Variants in HIRA observed in about 807,000 individuals in gnomAD.
HIRA encodes the protein protein HIRA.
In HIRA, 13 loss-of-function variants were observed where a neutral mutation model predicts 126.6. That is an observed-to-expected ratio of 0.10 (90% CI 0.07 to 0.16). The LOEUF is 0.16. Ranked by LOEUF, HIRA falls within the 10% of genes least tolerant of loss-of-function variation. The probability of loss-of-function intolerance (pLI) is 1.00; values close to 1 mark genes in which losing one functional copy is unlikely to be tolerated. For missense variants in HIRA, 834 were observed against 1,314.4 expected (o/e 0.63, Z 5.65); for synonymous variants, 511 against 520.0 (o/e 0.98, Z 0.24).
At chr22:19,410,516 T>C (rs1322539359) in intron 2 of HIRA, among the ~76,000 whole-genome samples, 200 bp downstream of exon 2, 1 of 152,218 alleles carries the variant, frequency 6.6e-6, no homozygotes, top group African/African-American at 2.4e-5. Flanking sequence ...GCTGCCAAAA[T>C]ACTTACAGAG....
chr22:19,427,891 C>A (rs1198747151), intron 1 of HIRA, among the ~76,000 whole-genome samples: 1 of 152,130 alleles, frequency 6.6e-6, no homozygotes, highest in African/African-American at 2.4e-5. Flanking sequence ...ACTTTCTGAC[C>A]TTAACCTAAC....
In HIRA at chr22:19,407,193, T is replaced by C. The variant is rs2089315214; in HGVS notation, c.293A>G (p.Lys98Arg). The C allele has an allele frequency of 1.2e-6, 2 of 1,613,090 alleles. No individual in the cohort carries two copies. The highest frequency in any genetic ancestry group is 1.7e-6 in the Non-Finnish European group (2 of 1,179,132). The change falls in exon 4 of 25, where the codon AAG becomes AGG. Residue 98 changes from lysine to arginine, a missense_variant. By Grantham distance (26) the Lys-to-Arg change is conservative. Transcript: ENST00000263208. ...GGDDKLIMVW[K>R]RATYIGPSTV... ...GGAAAATGATGCTTACGTAGCCCGC[T>C]TCCACACCATAATCAGTTTGTCATC...
chr22:19,407,123 G>T, intron 4 of HIRA, 61 bp downstream of exon 4: 2 of 1,380,932 alleles, frequency 1.4e-6, no homozygotes, highest in Non-Finnish European at 2.1e-6. Context: ...AGGTGACTTT[G>T]ATAAAGACCA....
chr22:19,360,676 G>A (rs737810), intron 17 of HIRA, among the ~76,000 whole-genome samples: 26,537 of 152,182 alleles, frequency 0.17, 2,483 homozygotes, highest in East Asian at 0.31. Context: ...CATGGCAGGA[G>A]AGGCCTAGAT....
chr22:19,416,594 G>A (rs1035961982), intron 1 of HIRA, among the ~76,000 whole-genome samples: 3 of 152,186 alleles, frequency 2.0e-5, no homozygotes, highest in South Asian at 2.1e-4. Context: ...CTACCTTTAC[G>A]TCCCAAAGTG....
At position 19,372,387 on chromosome 22, in the gene HIRA, G is replaced by A. The variant is rs1011964832; in HGVS notation, c.1775+3244C>T. Among the ~76,000 whole-genome samples the A allele has an allele frequency of 2.0e-5, 3 of 152,092 alleles. No individual in the cohort carries two copies. The East Asian group carries it at 5.8e-4, about 29-fold the overall frequency. On this transcript the variant is annotated intron_variant, in intron 15 of 24. Coordinates refer to ENST00000263208, the MANE Select transcript of HIRA (RefSeq NM_003325.4). ...CTGTGCTTTGTATATATTCTCTGCA[G>A]TTTCTCTTCAGATCTTTTGCTCATT... is the stretch of plus-strand genomic sequence containing the variant.
At chr22:19,356,319 C>T (rs1441628182) in intron 19 of HIRA, 31 bp from the exon 20 acceptor site, 2 of 1,598,876 alleles carry the variant, frequency 1.3e-6, no homozygotes, top group Non-Finnish European at 1.7e-6. Flanking sequence ...AGTTTACTCA[C>T]CAACCCAGGT....
intron 2 of HIRA, among the ~76,000 whole-genome samples, chr22:19,409,485 T>C (rs1166678409): frequency 6.6e-6 from 1 of 152,160 alleles, no homozygotes. Flanking sequence ...GGTTTCGCCA[T>C]GTTGGCCAGG....
At chr22:19,382,682 A>G (rs980356852) in intron 13 of HIRA, among the ~76,000 whole-genome samples, 5 of 152,166 alleles carry the variant, frequency 3.3e-5, no homozygotes, top group Admixed American at 6.5e-5. Context: ...TGCCCTGAGC[A>G]GATAGACGGA....
chr22:19,398,823 G>T (rs1047617303), intron 5 of HIRA, among the ~76,000 whole-genome samples: 1 of 152,032 alleles, frequency 6.6e-6, no homozygotes, highest in Non-Finnish European at 1.5e-5. Flanking sequence ...CAAAAAATTG[G>T]CTGGGCTTGG....
chr22:19,336,317 G>A (rs1230487521), intron 24 of HIRA, among the ~76,000 whole-genome samples: 4 of 152,218 alleles, frequency 2.6e-5, no homozygotes, highest in Non-Finnish European at 4.4e-5. Flanking sequence ...CAGGAAGACC[G>A]AAAGAAATCA....
rs966517938 is a variant in HIRA, at chr22:19,394,605, T to C, written c.655-96A>G. On this transcript the variant is annotated intron_variant, in intron 7 of 24. Transcript: ENST00000263208. ...AAAGTTAAACTTCAATTTATAAATG[T>C]GTGATGGTGGAGCATGCACCCCAAG... 3.2e-6 allele frequency: 4 copies of C among 1,259,866 alleles called. No individual in the cohort carries two copies. The African/African-American group carries it at 5.9e-5, about 19-fold the overall frequency. 78.0% of individuals were successfully genotyped at this position (1,259,866 alleles called of 1,614,324 possible). A position where few individuals can be genotyped will look rare whatever the true frequency, so the allele number is the denominator to read the frequency against.
Position 19,377,986 on chromosome 22 carries a change from G to C in HIRA, c.1496C>G (p.Pro499Arg). The C allele has an allele frequency of 1.2e-6, 2 of 1,613,742 alleles. No homozygotes were observed. The highest frequency in any genetic ancestry group is 1.7e-6 in the Non-Finnish European group (2 of 1,179,850). The change falls in exon 14 of 25, where the codon CCA becomes CGA. Residue 499 changes from proline to arginine, a missense_variant. Around this residue, in one of 5 missense-constraint regions of HIRA, gnomAD observed 468 missense variants for 574.2 expected, o/e 0.82. Coordinates refer to ENST00000263208, the MANE Select transcript of HIRA (RefSeq NM_003325.4). Reference sequence around the variant, plus strand: ...ACTGGAGTCCAGTGGCAGTAGCTGTGGACTGCTATGAGAAGAGAGCATGGT... The same window carrying C: ...ACTGGAGTCCAGTGGCAGTAGCTGTCGACTGCTATGAGAAGAGAGCATGGT... ...AGTMLSSHSS[P>R]QLLPLDSSTP...
At chr22:19,414,744 G>C (rs746695933) in intron 1 of HIRA, among the ~76,000 whole-genome samples, 2 of 152,144 alleles carry the variant, frequency 1.3e-5, no homozygotes, top group Non-Finnish European at 2.9e-5. Context: ...AGGTGGGGCC[G>C]GTCATGGTGG....
intron 24 of HIRA, among the ~76,000 whole-genome samples, chr22:19,342,669 T>A (rs1199871621): frequency 6.6e-6 from 1 of 152,230 alleles, no homozygotes; most frequent in African/African-American, 2.4e-5. Context: ...ATTACAGGCA[T>A]GAGCCACTGC....
Position 19,331,066 on chromosome 22 carries a change from A to T in HIRA, c.*374T>A. 1 of 1,069,254 alleles carries T rather than the reference A, an allele frequency of 9.4e-7. No individual in the cohort carries two copies. Among genetic ancestry groups the T allele is most frequent in the South Asian group, 1.6e-5 (1 of 62,432 alleles). The allele number at this position is 1,069,254 out of a possible 1,614,324, so 66.2% of individuals were successfully genotyped here. A position where few individuals can be genotyped will look rare whatever the true frequency, so the allele number is the denominator to read the frequency against. On this transcript the variant is annotated 3_prime_UTR_variant, in exon 25 of 25. Transcript: ENST00000263208. ...TAACGCTTCCGGATTCTCTCTCACA[A>T]ATGGCTCAATCGTCACTGCTGAAGC...
At position 19,375,817 on chromosome 22, in the gene HIRA, T is replaced by C. The variant is rs554063277; in HGVS notation, c.1614-25A>G. 5.0e-6 allele frequency: 8 copies of C among 1,612,804 alleles called. No individual in the cohort carries two copies. The East Asian group carries it at 1.6e-4, about 31-fold the overall frequency. On this transcript the variant is annotated intron_variant, in intron 14 of 24. Coordinates refer to ENST00000263208, the MANE Select transcript of HIRA (RefSeq NM_003325.4). Reference sequence around the variant, plus strand: ...ACTGGGGTGAAGAAGAGGGGAGGCATGTCAAGCGCAATCCTGAAAGGATCT... The same window carrying C: ...ACTGGGGTGAAGAAGAGGGGAGGCACGTCAAGCGCAATCCTGAAAGGATCT...
chr22:19,422,169 T>TACACAC (rs762601560), intron 1 of HIRA, among the ~76,000 whole-genome samples: 8,554 of 111,222 alleles, frequency 0.077, 301 homozygotes, highest in Middle Eastern at 0.12. Flanking sequence ...TGTGTTTATA[T>TACACAC]ATACACACAC....
rs1398145805 is a variant in HIRA, at chr22:19,359,434, CACT to C, written c.2133_2135del (p.Val713del). The C allele has an allele frequency of 4.3e-6, 7 of 1,609,936 alleles. No individual in the cohort carries two copies. Among genetic ancestry groups the C allele is most frequent in the Non-Finnish European group, 5.9e-6 (7 of 1,178,378 alleles). ...GGCGGCTCAGCTTCACGCCCCCCACCACTGTCACTTCATTCTCCACCTCAATGT... is the reference window on the plus strand; with the variant it reads ...GGCGGCTCAGCTTCACGCCCCCCACCGTCACTTCATTCTCCACCTCAATGT... On this transcript the variant is annotated inframe_deletion, in exon 18 of 25. Transcript: ENST00000263208.
Sources: allele counts gnomAD v4.1 joint callset (sites outside exome capture counted in the v4.1 genomes callset), GRCh38; gene constraint gnomAD v4.1.1; regional missense constraint gnomAD v4.1.1; transcripts MANE v1.5; gene names NCBI Gene and HGNC (gene_info 2026-07-23, HGNC 2026-07-21).